Variants in PCSK5 observed in about 807,000 individuals in gnomAD.
The protein encoded by PCSK5 is proprotein convertase subtilisin/kexin type 5.
A neutral mutation model predicts 233.2 loss-of-function variants in PCSK5; 129 were observed. That is an observed-to-expected ratio of 0.55 (90% confidence interval 0.48 to 0.64). The LOEUF (loss-of-function observed/expected upper bound fraction) is 0.64, where lower values mean the gene tolerates loss of function less well. PCSK5 is among the 30% of genes least tolerant of loss of function. The pLI, the probability that PCSK5 is intolerant of heterozygous loss-of-function variation, is 0.00. For missense variants in PCSK5, 2,076 were observed against 2,430.1 expected, an observed-to-expected ratio of 0.85 and a Z score of 3.06; for synonymous variants, 825 against 879.2, an observed-to-expected ratio of 0.94 and a Z score of 1.09.
chr9:76,160,108 A>T (rs1822788545), intron 12 of PCSK5, among the ~76,000 whole-genome samples: 1 of 152,034 alleles, frequency 6.6e-6, no homozygotes, highest in Non-Finnish European at 1.5e-5. Context: ...GGCATGAGCC[A>T]CCGCGCCCAG....
In PCSK5 at chr9:75,891,069, C is replaced by A; in HGVS notation, c.-113C>A. ...CCTGCCGATCGCCCGGGGCTGCGAG[C>A]TGCGGCGGCCCGGGGCTGCTCGCCG... On this transcript the variant is annotated 5_prime_UTR_variant, in exon 1 of 38. In the 5' UTR this introduces an upstream ATG that the reference lacks. Coordinates refer to ENST00000674117, the MANE Select transcript of PCSK5 (RefSeq NM_001372043.1). 2 of 1,004,994 alleles carry A rather than the reference C, an allele frequency of 2.0e-6. No homozygotes were observed. The highest frequency in any genetic ancestry group is 2.7e-6 in the Non-Finnish European group (2 of 753,020). The allele number at this position is 1,004,994 out of a possible 1,614,324, so 62.3% of individuals were successfully genotyped here. A position where few individuals can be genotyped will look rare whatever the true frequency, so the allele number is the denominator to read the frequency against.
At chr9:75,959,749 T>C (rs1825260084) in intron 2 of PCSK5, among the ~76,000 whole-genome samples, 1 of 152,236 alleles carries the variant, frequency 6.6e-6, no homozygotes, top group Non-Finnish European at 1.5e-5. Context: ...TGGTTTCATT[T>C]GCAGCAATAA....
At chr9:75,953,010 C>T (rs1824935266) in intron 2 of PCSK5, among the ~76,000 whole-genome samples, 1 of 152,056 alleles carries the variant, frequency 6.6e-6, no homozygotes, top group Admixed American at 6.6e-5. Flanking sequence ...CAGTTATTTC[C>T]CTTGAAATCT....
intron 3 of PCSK5, among the ~76,000 whole-genome samples, chr9:75,990,156 C>A (rs1826704276): frequency 6.6e-6 from 1 of 152,182 alleles, no homozygotes; most frequent in East Asian, 1.9e-4. Context: ...ACAGCCCAGG[C>A]AAGGTGCTGA....
intron 5 of PCSK5, among the ~76,000 whole-genome samples, chr9:76,048,940 A>G (rs1317042023): frequency 6.6e-6 from 1 of 152,204 alleles, no homozygotes; most frequent in African/African-American, 2.4e-5. Context: ...AGGTAGAAGC[A>G]TGTGTTTTTT....
chr9:75,939,115 A>AC, intron 2 of PCSK5, among the ~76,000 whole-genome samples: 1 of 152,230 alleles, frequency 6.6e-6, no homozygotes, highest in East Asian at 1.9e-4. Context: ...TGTAAGAGCA[A>AC]CCCTCTTGGT....
chr9:76,302,680 G>A (rs962480934), intron 28 of PCSK5, among the ~76,000 whole-genome samples: 2 of 152,080 alleles, frequency 1.3e-5, no homozygotes, highest in African/African-American at 2.4e-5. Context: ...AAAGGAAGAG[G>A]TTCTTTCTGT....
chr9:76,291,539 A>G (rs1416463659), intron 24 of PCSK5, among the ~76,000 whole-genome samples: 1 of 152,174 alleles, frequency 6.6e-6, no homozygotes, highest in African/African-American at 2.4e-5. Context: ...CTTAATAGCT[A>G]GATCTGAGAG....
chr9:76,016,378 TAGTA>T (rs964896195), intron 3 of PCSK5, among the ~76,000 whole-genome samples: 2 of 152,176 alleles, frequency 1.3e-5, no homozygotes, highest in African/African-American at 2.4e-5. Context: ...GATTGGAATG[TAGTA>T]AGTGAGAAGG....
intron 7 of PCSK5, among the ~76,000 whole-genome samples, chr9:76,092,165 T>C (rs1012365780): frequency 6.6e-6 from 1 of 152,152 alleles, no homozygotes; most frequent in African/African-American, 2.4e-5. Context: ...GGGCAAAAGA[T>C]ACATCTATTC....
In PCSK5 at chr9:76,310,753, T is replaced by C. The variant is rs777592121; in HGVS notation, c.3786T>C (p.Cys1262=). 8 of 1,612,382 alleles carry C rather than the reference T, an allele frequency of 5.0e-6. No individual in the cohort carries two copies. The highest frequency in any genetic ancestry group is 6.8e-6 in the Non-Finnish European group (8 of 1,179,692). ...GCTGCGAGAACTGTACGGAGGCCTGTGCCATCTGCTCTGGAGCCGATCTTT... is the reference window on the plus strand; with the variant it reads ...GCTGCGAGAACTGTACGGAGGCCTGCGCCATCTGCTCTGGAGCCGATCTTT... The part of the protein sequence containing the change: ...SGSCENCTEA[C]AICSGADLCK... Residue 1262 remains cysteine (C), a synonymous_variant, in exon 30 of 38, where the codon TGT becomes TGC. Transcript: ENST00000674117.
chr9:76,221,206 G>A (rs1394896786), intron 20 of PCSK5, among the ~76,000 whole-genome samples: 1 of 152,186 alleles, frequency 6.6e-6, no homozygotes, highest in Admixed American at 6.5e-5. Flanking sequence ...ATCAATCATT[G>A]AGTAAATCTG....
chr9:75,891,213 G>A lies in PCSK5; in HGVS notation c.32G>A (p.Gly11Glu). MGWGSRCCCP[G>E]RLDLLCVLAL... is the part of the protein sequence containing the mutation. ...TGGGGGAGCCGCTGCTGCTGCCCGG[G>A]ACGTTTGGACCTGCTGTGCGTGCTG... The change falls in exon 1 of 38, where the codon GGA becomes GAA. Residue 11 changes from glycine (G) to glutamate (E), a missense_variant. By Grantham distance (98) the Gly-to-Glu change is moderately conservative. Transcript: ENST00000674117. The A allele has an allele frequency of 6.7e-7, 1 of 1,495,734 alleles. No homozygotes were observed. The highest frequency in any genetic ancestry group is 1.8e-4 in the Middle Eastern group (1 of 5,686). The allele number at this position is 1,495,734 out of a possible 1,614,324, so 92.7% of individuals were successfully genotyped here. A position where few individuals can be genotyped will look rare whatever the true frequency, so the allele number is the denominator to read the frequency against.
chr9:75,912,235 G>A (rs1822775242), intron 1 of PCSK5, among the ~76,000 whole-genome samples: 1 of 152,088 alleles, frequency 6.6e-6, no homozygotes, highest in Admixed American at 6.6e-5. Flanking sequence ...AAAGAAATGA[G>A]CCTTAAAGAT....
chr9:76,315,641 A>ATTTTTTTTTTT (rs777066898), intron 30 of PCSK5, among the ~76,000 whole-genome samples: 1 of 139,102 alleles, frequency 7.2e-6, no homozygotes. Context: ...GGAGAAGACT[A>ATTTTTTTTTTT]CTTTTTTTTT....
chr9:75,902,952 A>C (rs1192267923), intron 1 of PCSK5, among the ~76,000 whole-genome samples: 1 of 152,204 alleles, frequency 6.6e-6, no homozygotes, highest in Non-Finnish European at 1.5e-5. Flanking sequence ...AGAGAATGTA[A>C]AACCAGGACA....
intron 31 of PCSK5, among the ~76,000 whole-genome samples, chr9:76,322,743 C>A (rs1387203491): frequency 6.6e-6 from 1 of 152,210 alleles, no homozygotes; most frequent in African/African-American, 2.4e-5. Flanking sequence ...GTTTTTCAAA[C>A]AATACCGCCA....
At chr9:76,073,682 ATACTT>A (rs1303972796) in intron 7 of PCSK5, among the ~76,000 whole-genome samples, 2 of 151,820 alleles carry the variant, frequency 1.3e-5, no homozygotes, top group Non-Finnish European at 2.9e-5. Flanking sequence ...TAATCTGAAA[ATACTT>A]AAATTAGTAA....
chr9:75,895,178 T>C (rs1825757419), intron 1 of PCSK5, among the ~76,000 whole-genome samples: 1 of 152,188 alleles, frequency 6.6e-6, no homozygotes, highest in Admixed American at 6.5e-5. Context: ...GCATGTGGAC[T>C]TGGAAACTCT....
Sources: gnomAD v4.1 joint callset for allele counts (sites outside exome capture counted in the v4.1 genomes callset) on GRCh38, gnomAD v4.1.1 for gene constraint, MANE v1.5 for transcripts, NCBI Gene and HGNC (gene_info 2026-07-23, HGNC 2026-07-21) for gene names.